The following PCDHA5 variants were observed in gnomAD, a reference collection of about 807,000 sequenced individuals.
PCDHA5 encodes the protein protocadherin alpha 5.
A neutral mutation model predicts 61.6 loss-of-function variants in PCDHA5; 43 were observed. The observed-to-expected ratio is 0.70, with a 90% CI of 0.55 to 0.90. The LOEUF (loss-of-function observed/expected upper bound fraction) is 0.90, where lower values mean the gene tolerates loss of function less well. Ranked by LOEUF, PCDHA5 falls within the 40% of genes least tolerant of loss-of-function variation. The pLI is 0.00. For synonymous variants in PCDHA5, 627 were observed against 543.9 expected, an observed-to-expected ratio of 1.15 and a Z score of -2.13; for missense variants, 1,298 against 1,222.7, an observed-to-expected ratio of 1.06 and a Z score of -0.92.
intron 1 of PCDHA5, among the ~76,000 whole-genome samples, chr5:140,971,291 C>T (rs541777110): frequency 1.1e-4 from 17 of 152,164 alleles, no homozygotes; most frequent in Admixed American, 3.3e-4. Flanking sequence ...TTAATATGTA[C>T]TTTGGTACAC....
intron 1 of PCDHA5, among the ~76,000 whole-genome samples, chr5:140,893,868 AGATC>A (rs1369386852): frequency 1.3e-5 from 2 of 152,168 alleles, no homozygotes; most frequent in Non-Finnish European, 2.9e-5. Context: ...GAAACAACCC[AGATC>A]CAAAGTGGCC....
At chr5:140,968,029 GGT>G in intron 1 of PCDHA5, 1 of 1,614,170 alleles carries the variant, frequency 6.2e-7, no homozygotes, top group African/African-American at 1.3e-5. Context: ...CCTATACACT[GGT>G]GGTGAGCGGC....
At chr5:140,900,295 TTTA>T (rs1335445889) in intron 1 of PCDHA5, among the ~76,000 whole-genome samples, 3 of 152,152 alleles carry the variant, frequency 2.0e-5, no homozygotes, top group Non-Finnish European at 4.4e-5. Context: ...TTTCTGTTTT[TTTA>T]GACAGTCTCA....
At chr5:140,967,142 C>T in intron 1 of PCDHA5, 1 of 1,611,304 alleles carries the variant, frequency 6.2e-7, no homozygotes, top group Non-Finnish European at 8.5e-7. Flanking sequence ...AGTGCTGGCG[C>T]ACAACCCCGT....
chr5:140,830,320 C>CG (rs2150184981), intron 1 of PCDHA5: 1 of 1,613,990 alleles, frequency 6.2e-7, no homozygotes, highest in Non-Finnish European at 8.5e-7. Context: ...TGTGCTCCAG[C>CG]GCAGTGGGGA....
chr5:141,006,405 C>A (rs782532612), intron 3 of PCDHA5, among the ~76,000 whole-genome samples: 1 of 151,798 alleles, frequency 6.6e-6, no homozygotes, highest in Non-Finnish European at 1.5e-5. Context: ...AGTAGAGACG[C>A]GGTTTCACTG....
intron 1 of PCDHA5, among the ~76,000 whole-genome samples, chr5:140,900,525 C>A (rs1322679465): frequency 6.6e-6 from 1 of 152,232 alleles, no homozygotes; most frequent in East Asian, 1.9e-4. Context: ...GATCTGCCCA[C>A]CTCGGCTTTC....
chr5:140,947,920 A>G (rs1336638527), intron 1 of PCDHA5, among the ~76,000 whole-genome samples: 1 of 151,504 alleles, frequency 6.6e-6, no homozygotes, highest in African/African-American at 2.4e-5. Context: ...TCTTGCCTTA[A>G]CCCTGATCTT....
chr5:140,998,826 AGTGCTGGATTACTG>A (rs1301277298), intron 3 of PCDHA5, among the ~76,000 whole-genome samples: 1 of 152,240 alleles, frequency 6.6e-6, no homozygotes, highest in Non-Finnish European at 1.5e-5. Flanking sequence ...GGCCTCCCAA[AGTGCTGGATTACTG>A]GTGTGAGCCA....
chr5:140,841,886 A>G, intron 1 of PCDHA5: 1 of 1,613,832 alleles, frequency 6.2e-7, no homozygotes, highest in South Asian at 1.1e-5. Context: ...GAACGATGAG[A>G]ATAAACTGGT....
intron 1 of PCDHA5, among the ~76,000 whole-genome samples, chr5:140,921,828 A>C (rs1209455799): frequency 6.6e-6 from 1 of 152,126 alleles, no homozygotes; most frequent in Non-Finnish European, 1.5e-5. Flanking sequence ...ATATCTATAC[A>C]CATATAGACA....
At chr5:140,918,548 A>G (rs1360159345) in intron 1 of PCDHA5, among the ~76,000 whole-genome samples, 3 of 152,192 alleles carry the variant, frequency 2.0e-5, no homozygotes, top group Non-Finnish European at 4.4e-5. Context: ...TCCATGTGCA[A>G]TTGAGAAGAA....
At chr5:140,902,125 A>G (rs530625414) in intron 1 of PCDHA5, among the ~76,000 whole-genome samples, 27 of 150,728 alleles carry the variant, frequency 1.8e-4, no homozygotes, top group African/African-American at 6.1e-4. Context: ...CTGAGATTAT[A>G]TCATCTGCAA....
chr5:140,973,554 C>T (rs897513375), intron 1 of PCDHA5, among the ~76,000 whole-genome samples: 3 of 152,316 alleles, frequency 2.0e-5, no homozygotes, highest in Admixed American at 6.5e-5. Flanking sequence ...TTTCAATTAC[C>T]TCTTTCCTCA....
At position 140,822,486 on chromosome 5, in the gene PCDHA5, C is replaced by T. The variant is rs2150116729; in HGVS notation, c.711C>T (p.Asn237=). 1.7e-5 allele frequency: 27 copies of T among 1,613,690 alleles called. No individual in the cohort carries two copies. In the African/African-American group the frequency reaches 3.1e-4, roughly 18 times the overall value. ...LLINVLDAND[N]APEFDKSIYN... ...TCAATGTATTGGATGCTAATGATAA[C>T]GCCCCAGAATTTGATAAATCCATTT... Residue 237 remains asparagine, a synonymous_variant, in exon 1 of 4, where the codon AAC becomes AAT. Coordinates refer to ENST00000529859, the MANE Select transcript of PCDHA5 (RefSeq NM_018908.3).
chr5:140,952,798 G>T (rs1554220633), intron 1 of PCDHA5, among the ~76,000 whole-genome samples: 1 of 152,138 alleles, frequency 6.6e-6, no homozygotes, highest in African/African-American at 2.4e-5. Flanking sequence ...TAACTGGCTC[G>T]CAGTTCTGCA....
chr5:140,871,420 C>G (rs1193380487), intron 1 of PCDHA5: 1 of 1,613,620 alleles, frequency 6.2e-7, no homozygotes, highest in Non-Finnish European at 8.5e-7. Context: ...GGCCTTCAGC[C>G]CCAGTCTTCC....
intron 1 of PCDHA5, chr5:140,930,027 T>A (rs1554207548): frequency 6.6e-6 from 1 of 152,190 alleles, no homozygotes; most frequent in Non-Finnish European, 1.5e-5. Context: ...CATAGCAGTG[T>A]TTTGTAACTG....
intron 1 of PCDHA5, chr5:140,853,312 G>A (rs931070085): frequency 1.0e-6 from 1 of 983,988 alleles, no homozygotes; most frequent in Non-Finnish European, 1.2e-6. Context: ...GAACACCTTA[G>A]TAATAAATTT....
Sources: gnomAD v4.1 joint callset for allele counts (sites outside exome capture counted in the v4.1 genomes callset) on GRCh38, gnomAD v4.1.1 for gene constraint, MANE v1.5 for transcripts, NCBI Gene and HGNC (gene_info 2026-07-23, HGNC 2026-07-21) for gene names.